The following DLG1 variants were observed in gnomAD, a reference collection of about 807,000 sequenced individuals.
DLG1 encodes the protein discs large MAGUK scaffold protein 1.
A neutral mutation model predicts 123.4 loss-of-function variants in DLG1; 42 were observed. The observed-to-expected ratio is 0.34, with a 90% CI of 0.27 to 0.44. The LOEUF is 0.44. Among genes scored for constraint, DLG1 ranks in the 20% least tolerant of loss-of-function variants. The pLI is 1.00. For missense variants in DLG1, 942 were observed against 1,082.6 expected (o/e 0.87, Z 1.82); for synonymous variants, 317 against 356.2 (o/e 0.89, Z 1.24).
At chr3:197,084,483 T>C (rs960100117) in intron 16 of DLG1, among the ~76,000 whole-genome samples, 1 of 151,856 alleles carries the variant, frequency 6.6e-6, no homozygotes, top group African/African-American at 2.4e-5. Context: ...AGCTAATGTT[T>C]GTATTTTTAG....
At position 197,129,186 on chromosome 3, in the gene DLG1, T is replaced by C. The variant is rs573705124; in HGVS notation, c.1165+1341A>G. Among the ~76,000 whole-genome samples, 8 of 152,362 alleles carry C rather than the reference T, an allele frequency of 5.3e-5. No homozygotes were observed. In the East Asian group the frequency reaches 1.2e-3, roughly 22 times the overall value. On this transcript the variant is annotated intron_variant, in intron 11 of 24. Coordinates refer to ENST00000667157, the MANE Select transcript of DLG1 (RefSeq NM_001366207.1). ...CCAGTAGAAGGCTGTTTCATCTACA[T>C]TGAAAAATTGTTGTTTGGTGTAGCC...
chr3:197,199,505 A>C (rs2150312422), intron 4 of DLG1, among the ~76,000 whole-genome samples: 1 of 152,296 alleles, frequency 6.6e-6, no homozygotes, highest in East Asian at 1.9e-4. Context: ...ATATCTCATT[A>C]TGTATATGCA....
intron 5 of DLG1, among the ~76,000 whole-genome samples, chr3:197,164,017 C>T (rs1015276716): frequency 1.3e-5 from 2 of 152,006 alleles, no homozygotes; most frequent in African/African-American, 4.8e-5. Context: ...AAAACTGGTC[C>T]TCTCACACTG....
intron 5 of DLG1, among the ~76,000 whole-genome samples, chr3:197,162,497 C>T (rs1194812658): frequency 6.6e-6 from 1 of 152,016 alleles, no homozygotes; most frequent in Admixed American, 6.6e-5. Context: ...GGCCTTAAAA[C>T]AGGAAGAACA....
chr3:197,243,803 C>T (rs1355314632), intron 4 of DLG1, among the ~76,000 whole-genome samples: 3 of 152,158 alleles, frequency 2.0e-5, no homozygotes, highest in African/African-American at 7.2e-5. Context: ...GACTCAGACC[C>T]TGCAGTTATC....
At chr3:197,129,194 T>C (rs73210513) in intron 11 of DLG1, among the ~76,000 whole-genome samples, 21,617 of 152,224 alleles carry the variant, frequency 0.14, 1,677 homozygotes, top group Non-Finnish European at 0.17. Flanking sequence ...CATTGAAAAA[T>C]TGTTGTTTGG....
At chr3:197,152,068 T>G (rs1483487106) in intron 5 of DLG1, among the ~76,000 whole-genome samples, 1 of 152,100 alleles carries the variant, frequency 6.6e-6, no homozygotes, top group Admixed American at 6.5e-5. Flanking sequence ...AGCATTTCTA[T>G]AGCTTCCTAT....
In DLG1 at chr3:197,245,900, T is replaced by TTG. The variant is rs1554044956; in HGVS notation, c.318+36778_318+36779insCA. On this transcript the variant is annotated intron_variant, in intron 4 of 24. Coordinates refer to ENST00000667157, the MANE Select transcript of DLG1 (RefSeq NM_001366207.1). ...GACATGGACAATACTTTTTTTTTTT[T>TTG]GGGGGGGGGGGAGGTGGCAAATGAA... Among the ~76,000 whole-genome samples, 41 of 85,392 alleles carry TTG rather than the reference T, an allele frequency of 4.8e-4. 1 individual carries two copies. The highest frequency in any genetic ancestry group is 5.1e-4 in the South Asian group (1 of 1,980). The allele number at this position is 85,392 out of a possible 152,430, so 56.0% of individuals were successfully genotyped here.
At chr3:197,222,104 A>T (rs1737421869) in intron 4 of DLG1, among the ~76,000 whole-genome samples, 2 of 152,200 alleles carry the variant, frequency 1.3e-5, no homozygotes, top group Non-Finnish European at 1.5e-5. Flanking sequence ...TTTCCCCCGA[A>T]TTCTGATCCA....
intron 9 of DLG1, among the ~76,000 whole-genome samples, chr3:197,137,459 A>G (rs536133941): frequency 2.1e-4 from 32 of 152,310 alleles, no homozygotes; most frequent in African/African-American, 7.5e-4. Flanking sequence ...AAGGACACAA[A>G]TATTTCACTC....
rs11370331 is a variant in DLG1, at chr3:197,231,697, T to TAAAA, written c.319-37112_319-37109dup. On this transcript the variant is annotated intron_variant, in intron 4 of 24. Coordinates refer to ENST00000667157, the MANE Select transcript of DLG1 (RefSeq NM_001366207.1). ...CCTGGGGAAGAGAACCAGACCCTGTTAAAAAAAAAAAAACAACAAAAAACA... is the reference window on the plus strand; with the variant it reads ...CCTGGGGAAGAGAACCAGACCCTGTTAAAAAAAAAAAAAAAAACAACAAAAAACA... Among the ~76,000 whole-genome samples, 509 of 126,792 alleles carry TAAAA rather than the reference T, an allele frequency of 4.0e-3. 5 individuals carry two copies. The highest frequency in any genetic ancestry group is 0.012 in the African/African-American group (453 of 37,486). 83.2% of individuals were successfully genotyped at this position (126,792 alleles called of 152,430 possible).
Position 197,076,696 on chromosome 3 carries a change from G to T in DLG1, c.1906-11C>A. ...GTCATTGAATGACTGCTGAAGAAGA[G>T]AAGGAGGGGCAAAACAAAGGGATGT... On this transcript the variant is annotated splice_polypyrimidine_tract_variant and intron_variant, in intron 17 of 24. Coordinates refer to ENST00000667157, the MANE Select transcript of DLG1 (RefSeq NM_001366207.1). 1 of 1,604,556 alleles carries T rather than the reference G, an allele frequency of 6.2e-7. No individual in the cohort carries two copies. Among genetic ancestry groups the T allele is most frequent in the Non-Finnish European group, 8.5e-7 (1 of 1,172,016 alleles).
intron 5 of DLG1, among the ~76,000 whole-genome samples, chr3:197,168,302 A>T (rs978832969): frequency 1.3e-5 from 2 of 152,256 alleles, no homozygotes; most frequent in African/African-American, 4.8e-5. Context: ...CACCGCTGAG[A>T]AAGTCAACGA....
intron 13 of DLG1, among the ~76,000 whole-genome samples, chr3:197,107,391 A>G (rs1767095965): frequency 6.6e-6 from 1 of 152,042 alleles, no homozygotes. Flanking sequence ...AAAAATACAA[A>G]AAAATTAGCC....
intron 14 of DLG1, among the ~76,000 whole-genome samples, chr3:197,099,689 T>C (rs908228106): frequency 1.3e-5 from 2 of 152,160 alleles, no homozygotes; most frequent in African/African-American, 2.4e-5. Context: ...ATGGGGGAAA[T>C]TGGACTTCCT....
intron 4 of DLG1, among the ~76,000 whole-genome samples, chr3:197,269,689 A>G (rs866831175): frequency 6.6e-6 from 1 of 152,202 alleles, no homozygotes; most frequent in African/African-American, 2.4e-5. Flanking sequence ...TATAAGCTCC[A>G]CGTATTAAGA....
intron 10 of DLG1, among the ~76,000 whole-genome samples, chr3:197,135,816 C>CTT (rs11456320): frequency 9.9e-4 from 146 of 147,492 alleles, no homozygotes; most frequent in Middle Eastern, 3.4e-3. Context: ...TATAATTAAA[C>CTT]TTTTTTTTTT....
intron 2 of DLG1, 32 bp from the exon 3 acceptor site, chr3:197,296,509 T>C (rs534951664): frequency 6.2e-7 from 1 of 1,604,702 alleles, no homozygotes; most frequent in South Asian, 1.1e-5. Context: ...TGATTAAAAC[T>C]CTCTATTTAC....
At chr3:197,144,573 C>A (rs1358932900) in intron 6 of DLG1, among the ~76,000 whole-genome samples, 1 of 152,154 alleles carries the variant, frequency 6.6e-6, no homozygotes, top group Non-Finnish European at 1.5e-5. Context: ...TAGATAACTG[C>A]AAGAGAAATA....
Sources: allele counts gnomAD v4.1 joint callset (sites outside exome capture counted in the v4.1 genomes callset), GRCh38; gene constraint gnomAD v4.1.1; transcripts MANE v1.5; gene names NCBI Gene and HGNC (gene_info 2026-07-23, HGNC 2026-07-21).